Variants in BTD observed in about 807,000 individuals in gnomAD.
The protein encoded by BTD is biotinidase, also known as biocytinase.
BTD carries 13 observed loss-of-function variants against 17.7 expected under a neutral mutation model. The ratio of observed to expected loss-of-function variants is 0.74; its 90% CI spans 0.48 to 1.17. The LOEUF is 1.17. Ranked by LOEUF, BTD falls within the 50% of genes most tolerant of loss-of-function variation. The probability of loss-of-function intolerance (pLI) is 0.00; values close to 1 mark genes in which losing one functional copy is unlikely to be tolerated. For missense variants in BTD, 674 were observed against 650.4 expected (o/e 1.04, Z -0.39); for synonymous variants, 240 against 245.2 (o/e 0.98, Z 0.20).
chr3:15,690,124 C>T, intron 3 of BTD: 1 of 1,611,286 alleles, frequency 6.2e-7, no homozygotes, highest in Admixed American at 1.7e-5. Context: ...TTAAAAGCTG[C>T]AAGATCTAGG....
At chr3:15,670,957 AAT>A (rs1217655212) in intron 3 of BTD, among the ~76,000 whole-genome samples, 1 of 152,218 alleles carries the variant, frequency 6.6e-6, no homozygotes, top group Non-Finnish European at 1.5e-5. Flanking sequence ...GGTAAGAAAA[AAT>A]AAAAAAATTT....
chr3:15,666,408 C>CCG (rs1553567292), intron 3 of BTD, among the ~76,000 whole-genome samples: 1 of 151,994 alleles, frequency 6.6e-6, no homozygotes, highest in East Asian at 1.9e-4. Context: ...TTCATCTCCC[C>CCG]CTTTCCTCAT....
At chr3:15,717,169 G>C (rs1316693147), downstream of BTD, among the ~76,000 whole-genome samples, 5 of 152,022 alleles carry the variant, frequency 3.3e-5, no homozygotes, top group Non-Finnish European at 5.9e-5. Flanking sequence ...TTAGAGACAA[G>C]GTCTTGCTAT....
chr3:15,666,873 T>C lies in BTD; in HGVS notation c.399+24816T>C, dbSNP rs567642680. On this transcript the variant is annotated intron_variant, in intron 3 of 3. Coordinates refer to the BTD transcript ENST00000672141. The stretch of plus-strand genomic sequence containing the variant: ...TCCGCACCTAGTCTTCCATGACGCC[T>C]GTTCTGATCTTCCCTCCCAATGTGA... Among the ~76,000 whole-genome samples the C allele has an allele frequency of 2.0e-5, 3 of 152,358 alleles. No homozygotes were observed. The East Asian group carries it at 5.8e-4, about 29-fold the overall frequency.
intron 1 of BTD, chr3:15,629,901 T>A: frequency 3.1e-6 from 1 of 318,628 alleles, no homozygotes. Flanking sequence ...TTCTCTGCTT[T>A]GTGTGGCAGG....
chr3:15,621,628 T>C (rs776187941), intron 1 of BTD, among the ~76,000 whole-genome samples: 2 of 152,142 alleles, frequency 1.3e-5, no homozygotes, highest in African/African-American at 2.4e-5. Context: ...AGATGGAGTT[T>C]CGCTCTTGTT....
chr3:15,685,382 G>A (rs202220330), intron 3 of BTD: 229 of 1,613,948 alleles, frequency 1.4e-4, no homozygotes, highest in Non-Finnish European at 1.8e-4. Context: ...CTGCTATCCC[G>A]AAGTAAGCAC....
chr3:15,686,014 C>T (rs529028434), intron 3 of BTD: 13 of 1,613,228 alleles, frequency 8.1e-6, no homozygotes, highest in African/African-American at 4.0e-5. Flanking sequence ...CTCTATGCAA[C>T]GCTGTCCTTC....
At chr3:15,708,263 T>A (rs1191565576) in intron 3 of BTD, among the ~76,000 whole-genome samples, 1 of 152,200 alleles carries the variant, frequency 6.6e-6, no homozygotes, top group East Asian at 1.9e-4. Context: ...TTTAAGTATA[T>A]GAAATAAGAT....
intron 4 of BTD, among the ~76,000 whole-genome samples, chr3:15,719,264 T>C (rs1415446902): frequency 1.3e-5 from 2 of 152,210 alleles, no homozygotes; most frequent in Non-Finnish European, 2.9e-5. Flanking sequence ...CGTGGCATCA[T>C]TAAAGGCTTC....
intron 2 of BTD, among the ~76,000 whole-genome samples, chr3:15,638,876 T>C (rs772398869): frequency 3.5e-4 from 54 of 152,250 alleles, no homozygotes; most frequent in Non-Finnish European, 7.1e-4. Flanking sequence ...AGCATTTGTA[T>C]ATGTAAACAT....
intron 3 of BTD, among the ~76,000 whole-genome samples, chr3:15,691,284 C>T (rs2068765342): frequency 6.6e-6 from 1 of 152,078 alleles, no homozygotes; most frequent in East Asian, 1.9e-4. Context: ...CCACCATGCC[C>T]CAGCTAATTT....
At chr3:15,641,778 C>G (rs550862989) in intron 2 of BTD, 130 bp from the exon 3 acceptor site, 6 of 727,842 alleles carry the variant, frequency 8.2e-6, no homozygotes, top group South Asian at 6.2e-5. Flanking sequence ...GACACCATCT[C>G]TGTGCCTCTG....
chr3:15,707,242 T>C (rs1463836437), intron 3 of BTD, among the ~76,000 whole-genome samples: 1 of 135,056 alleles, frequency 7.4e-6, no homozygotes, highest in Non-Finnish European at 1.7e-5. Context: ...TCAATGAGTT[T>C]ATTTTCGTGC....
chr3:15,611,554 G>A (rs1650236980), intron 1 of BTD, among the ~76,000 whole-genome samples: 1 of 152,122 alleles, frequency 6.6e-6, no homozygotes, highest in African/African-American at 2.4e-5. Flanking sequence ...TTTTGAGGGT[G>A]GAGAATGGGA....
At chr3:15,697,922 T>C (rs1033039130) in intron 3 of BTD, among the ~76,000 whole-genome samples, 1 of 152,186 alleles carries the variant, frequency 6.6e-6, no homozygotes, top group Non-Finnish European at 1.5e-5. Context: ...CTGTTATTTG[T>C]CTATTCAGAG....
At chr3:15,695,198 G>A (rs2069357823) in intron 3 of BTD, 4 of 1,594,578 alleles carry the variant, frequency 2.5e-6, no homozygotes, top group African/African-American at 1.3e-5. Flanking sequence ...AACATCTAGA[G>A]GAGTTTCACT....
chr3:15,603,432 C>T (rs186987771), intron 1 of BTD, among the ~76,000 whole-genome samples: 2,165 of 152,128 alleles, frequency 0.014, 59 homozygotes, highest in African/African-American at 0.049. Context: ...CCGAGGCGGG[C>T]GGATCATGAG....
chr3:15,706,734 C>T (rs1376894918), intron 3 of BTD, among the ~76,000 whole-genome samples: 2 of 152,190 alleles, frequency 1.3e-5, no homozygotes, highest in Non-Finnish European at 1.5e-5. Context: ...TATTTCTCCA[C>T]ATCCTCTCCA....
Sources: allele counts gnomAD v4.1 joint callset (sites outside exome capture counted in the v4.1 genomes callset), GRCh38; gene constraint gnomAD v4.1.1; transcripts MANE v1.5; gene names NCBI Gene and HGNC (gene_info 2026-07-23, HGNC 2026-07-21).